The following LIG1 variants were observed in gnomAD, a reference collection of about 807,000 sequenced individuals.
LIG1 encodes the protein ligase I, DNA, ATP-dependent.
LIG1 carries 70 observed loss-of-function variants against 115.7 expected under a neutral mutation model. That is an observed-to-expected ratio of 0.60 (90% CI 0.50 to 0.74). The LOEUF (loss-of-function observed/expected upper bound fraction) is 0.74, where lower values mean the gene tolerates loss of function less well. Ranked by LOEUF, LIG1 falls within the 30% of genes least tolerant of loss-of-function variation. The pLI is 0.00. For missense variants in LIG1, 1,115 were observed against 1,225.6 expected (o/e 0.91, Z 1.35); for synonymous variants, 487 against 495.3 (o/e 0.98, Z 0.22).
At chr19:48,168,134 C>T (rs556505803) in intron 1 of LIG1, among the ~76,000 whole-genome samples, 11 of 152,266 alleles carry the variant, frequency 7.2e-5, no homozygotes, top group Middle Eastern at 3.4e-3. Context: ...ATCTATAGTA[C>T]GTTCCACCCC....
chr19:48,123,615 G>GTT, intron 21 of LIG1: 1 of 456,374 alleles, frequency 2.2e-6, no homozygotes, highest in Non-Finnish European at 4.0e-6. Context: ...CATCAGTTTT[G>GTT]TTTTTTGTTT....
At chr19:48,146,292 C>T (rs924157956) in intron 9 of LIG1, among the ~76,000 whole-genome samples, 12 of 152,086 alleles carry the variant, frequency 7.9e-5, no homozygotes, top group Non-Finnish European at 1.6e-4. Flanking sequence ...TCACTGAGGT[C>T]GGGAGTTTGA....
chr19:48,162,707 C>CGT (rs746132318), intron 2 of LIG1, among the ~76,000 whole-genome samples: 1 of 152,078 alleles, frequency 6.6e-6, no homozygotes, highest in Non-Finnish European at 1.5e-5. Context: ...GGATTACAGG[C>CGT]ATAAGCCACC....
At position 48,137,941 on chromosome 19, in the gene LIG1, T is replaced by A. The variant is rs1001742489; in HGVS notation, c.1088-253A>T. 1.7e-6 allele frequency: 1 copy of A among 583,370 alleles called. No individual in the cohort carries two copies. Among genetic ancestry groups the A allele is most frequent in the Non-Finnish European group, 3.1e-6 (1 of 322,214 alleles). The allele number at this position is 583,370 out of a possible 1,614,324, so 36.1% of individuals were successfully genotyped here. On this transcript the variant is annotated intron_variant, in intron 12 of 27. Coordinates refer to ENST00000263274, the MANE Select transcript of LIG1 (RefSeq NM_000234.3). This position sits in a 1 kb window ranked among gnomAD's most constrained non-coding sequence, Gnocchi z 4.3. ...GGTGGATGAACGAGCATGACCACAC[T>A]CAGGGGAGACATCTGGGCCGGTGTC... is the stretch of plus-strand genomic sequence containing the variant.
chr19:48,156,486 T>C (rs1360392408), intron 5 of LIG1, among the ~76,000 whole-genome samples: 3 of 152,162 alleles, frequency 2.0e-5, no homozygotes, highest in African/African-American at 7.2e-5. Context: ...GTGCTATCAT[T>C]ATCATCATCT....
intron 18 of LIG1, among the ~76,000 whole-genome samples, 174 bp downstream of exon 18, chr19:48,132,790 CAAAAAAAAAAAAAAAAAA>C (rs71181649): frequency 4.1e-5 from 2 of 48,260 alleles, no homozygotes; most frequent in African/African-American, 2.2e-4. Context: ...GACTCTGTCT[CAAAAAAAAAAAAAAAAAA>C]AAAAAAAAAG....
At position 48,137,715 on chromosome 19, in the gene LIG1, G is replaced by A. The variant is rs2034487685; in HGVS notation, c.1088-27C>T. On this transcript the variant is annotated intron_variant, in intron 12 of 27. Transcript: ENST00000263274. The surrounding 1 kb of genome is among the most constrained non-coding windows in gnomAD (Gnocchi z 4.3). The stretch of plus-strand genomic sequence containing the variant: ...TTCAGGGGAGAGCGCGGGTGGGGGT[G>A]TCGAGGGTGACAGTTGTGGCTGCGT... 3 of 1,599,684 alleles carry A rather than the reference G, an allele frequency of 1.9e-6. No individual in the cohort carries two copies. Among genetic ancestry groups the A allele is most frequent in the Non-Finnish European group, 2.5e-6 (3 of 1,179,490 alleles).
chr19:48,148,951 G>C (rs2035302928), intron 9 of LIG1, among the ~76,000 whole-genome samples: 1 of 152,234 alleles, frequency 6.6e-6, no homozygotes, highest in Admixed American at 6.5e-5. Context: ...TGGCAAAGAA[G>C]GGGTGTTCAG....
chr19:48,133,237 G>A, intron 17 of LIG1, 140 bp from the exon 18 acceptor site: 4 of 673,316 alleles, frequency 5.9e-6, no homozygotes, highest in East Asian at 5.3e-5. Flanking sequence ...CGTTTTAGAA[G>A]GGGACCTAGC....
At chr19:48,161,548 GC>G (rs769642840) in intron 3 of LIG1, 41 bp from the exon 4 acceptor site, 2 of 1,610,290 alleles carry the variant, frequency 1.2e-6, no homozygotes, top group South Asian at 1.1e-5. Flanking sequence ...GGCGACTACA[GC>G]AGGCAGAGTG....
At chr19:48,163,679 C>T (rs1023705958) in intron 2 of LIG1, among the ~76,000 whole-genome samples, 1 of 151,710 alleles carries the variant, frequency 6.6e-6, no homozygotes, top group Non-Finnish European at 1.5e-5. Flanking sequence ...CATGGTGGCT[C>T]ACACCTGTAA....
chr19:48,169,217 T>G (rs1294242530), intron 1 of LIG1, among the ~76,000 whole-genome samples: 2 of 152,092 alleles, frequency 1.3e-5, no homozygotes, highest in African/African-American at 4.8e-5. Flanking sequence ...AGTTCTTATG[T>G]GGAGAGGGAA....
At chr19:48,127,578 C>T (rs1292345541) in intron 20 of LIG1, 1 of 610,090 alleles carries the variant, frequency 1.6e-6, no homozygotes, top group East Asian at 2.8e-5. Context: ...GACTTTTCTG[C>T]AGCTAATGGC....
intron 22 of LIG1, 25 bp from the exon 23 acceptor site, chr19:48,123,041 C>T (rs767754094): frequency 1.9e-6 from 3 of 1,612,756 alleles, no homozygotes; most frequent in African/African-American, 1.3e-5. Context: ...GAAGCGTGGT[C>T]CTTGGGAAGC....
chr19:48,156,661 G>C (rs1272077356), intron 5 of LIG1, among the ~76,000 whole-genome samples: 1 of 152,306 alleles, frequency 6.6e-6, no homozygotes, highest in Admixed American at 6.5e-5. Flanking sequence ...GCAGGCGACT[G>C]GCTGGGTGCG....
chr19:48,136,212 G>T (rs1453281040), intron 14 of LIG1, 87 bp from the exon 15 acceptor site: 2 of 989,216 alleles, frequency 2.0e-6, no homozygotes, highest in African/African-American at 1.6e-5. Flanking sequence ...CGACCTTGAT[G>T]TATGTAGACC....
At chr19:48,117,248 C>A (rs550665885) in intron 26 of LIG1, among the ~76,000 whole-genome samples, 1 of 149,266 alleles carries the variant, frequency 6.7e-6, no homozygotes, top group African/African-American at 2.5e-5. Flanking sequence ...CAACCTCCGC[C>A]TCCCAGGTTC....
At position 48,161,518 on chromosome 19, in the gene LIG1, G is replaced by A. The variant is rs754981808; in HGVS notation, c.108-11C>T. ...TCCTTCAGTGCCGCCCTGGAAGGTG[G>A]GGAAATGGGGGTGTAAAGGGGCGAC... On this transcript the variant is annotated splice_polypyrimidine_tract_variant and intron_variant, in intron 3 of 27. Transcript: ENST00000263274. 5.2e-5 allele frequency: 84 copies of A among 1,613,804 alleles called. No individual in the cohort carries two copies. Among genetic ancestry groups the A allele is most frequent in the Non-Finnish European group, 6.5e-5 (77 of 1,179,890 alleles).
intron 12 of LIG1, among the ~76,000 whole-genome samples, chr19:48,139,346 G>T (rs898916862): frequency 5.3e-5 from 8 of 152,286 alleles, no homozygotes; most frequent in South Asian, 2.1e-4. Context: ...CATTCCTCCT[G>T]CCTCCTCACC....
Sources: gnomAD v4.1 joint callset for allele counts (sites outside exome capture counted in the v4.1 genomes callset) on GRCh38, gnomAD v4.1.1 for gene constraint, Gnocchi (gnomAD v3.1) non-coding constraint, MANE v1.5 for transcripts, NCBI Gene and HGNC (gene_info 2026-07-23, HGNC 2026-07-21) for gene names.